The following ITGA9 variants were observed in gnomAD, a reference collection of about 807,000 sequenced individuals.
ITGA9 encodes the protein integrin alpha-9.
Under a neutral mutation model 127.8 loss-of-function variants are expected in ITGA9, and 56 were observed. That is an observed-to-expected ratio of 0.44 (90% CI 0.35 to 0.55). The LOEUF (loss-of-function observed/expected upper bound fraction) is 0.55, where lower values mean the gene tolerates loss of function less well. Ranked by LOEUF, ITGA9 falls within the 20% of genes least tolerant of loss-of-function variation. ITGA9 has a pLI of 0.00. For synonymous variants in ITGA9, 508 were observed against 514.5 expected (o/e 0.99, Z 0.17); for missense variants, 1,196 against 1,347.1 (o/e 0.89, Z 1.76).
intron 18 of ITGA9, among the ~76,000 whole-genome samples, chr3:37,712,041 C>T (rs912208475): frequency 6.6e-6 from 1 of 151,186 alleles, no homozygotes; most frequent in Non-Finnish European, 1.5e-5. Context: ...CGGACAAGTT[C>T]AGTGTTGTAT....
chr3:37,772,587 C>T (rs1428555809), intron 23 of ITGA9, among the ~76,000 whole-genome samples: 3 of 151,940 alleles, frequency 2.0e-5, no homozygotes, highest in Admixed American at 6.6e-5. Context: ...TAGAGGACCG[C>T]CTCCCTCCAC....
chr3:37,631,351 A>G (rs1480370590), intron 16 of ITGA9, among the ~76,000 whole-genome samples: 1 of 152,224 alleles, frequency 6.6e-6, no homozygotes, highest in Admixed American at 6.5e-5. Flanking sequence ...AGTGAAAAGC[A>G]TCTTGGAACC....
chr3:37,484,283 C>T (rs1698587257), intron 4 of ITGA9, among the ~76,000 whole-genome samples: 1 of 151,978 alleles, frequency 6.6e-6, no homozygotes, highest in African/African-American at 2.4e-5. Flanking sequence ...AGTTCTTGGC[C>T]CTGTAAGAGG....
At chr3:37,727,989 A>T (rs928622357) in intron 18 of ITGA9, among the ~76,000 whole-genome samples, 3 of 152,124 alleles carry the variant, frequency 2.0e-5, no homozygotes, top group Non-Finnish European at 4.4e-5. Context: ...TTTCTGCTTC[A>T]CTCTGTATTT....
rs397726826 is a variant in ITGA9 at position 37,490,973 on chromosome 3, C to CA, written c.545-3528_545-3527insA. Among the ~76,000 whole-genome samples, 11 of 133,284 alleles carry CA rather than the reference C, an allele frequency of 8.3e-5. 1 individual carries two copies. The highest frequency in any genetic ancestry group is 3.2e-4 in the African/African-American group (11 of 34,320). The allele number at this position is 133,284 out of a possible 152,430, so 87.4% of individuals were successfully genotyped here. A position where few individuals can be genotyped will look rare whatever the true frequency, so the allele number is the denominator to read the frequency against. On this transcript the variant is annotated intron_variant, in intron 4 of 27. Transcript: ENST00000264741. ...TGGGTCTCAGATTTGGCTTCCCCCC[C>CA]GCTTTTTTTTTTTTTTTTTTTGAGA... is the stretch of plus-strand genomic sequence containing the variant.
At chr3:37,496,996 A>C (rs1314151182) in intron 5 of ITGA9, among the ~76,000 whole-genome samples, 1 of 152,032 alleles carries the variant, frequency 6.6e-6, no homozygotes, top group East Asian at 1.9e-4. Context: ...ATCTTCTCTC[A>C]CTCAGACTTT....
intron 18 of ITGA9, among the ~76,000 whole-genome samples, chr3:37,688,894 G>A (rs1167998340): frequency 6.6e-6 from 1 of 151,932 alleles, no homozygotes; most frequent in Non-Finnish European, 1.5e-5. Context: ...GTGGATGAGT[G>A]GGTGGATAGT....
chr3:37,780,532 GTGTA>G (rs970380440), intron 25 of ITGA9, among the ~76,000 whole-genome samples: 23 of 19,926 alleles, frequency 1.2e-3, no homozygotes, highest in Admixed American at 5.7e-3. Flanking sequence ...GTGTGTGTGT[GTGTA>G]TATATATATA....
At chr3:37,578,574 C>A (rs1252279603) in intron 15 of ITGA9, among the ~76,000 whole-genome samples, 1 of 152,228 alleles carries the variant, frequency 6.6e-6, no homozygotes, top group Non-Finnish European at 1.5e-5. Context: ...TCGGCTTCAA[C>A]AGTCTTGCTT....
At chr3:37,684,601 G>A (rs1481138859) in intron 18 of ITGA9, among the ~76,000 whole-genome samples, 4 of 152,010 alleles carry the variant, frequency 2.6e-5, no homozygotes, top group Non-Finnish European at 5.9e-5. Context: ...TCATCCTCCC[G>A]AGTAGCTGGG....
chr3:37,526,525 C>T (rs1699094932), intron 13 of ITGA9, among the ~76,000 whole-genome samples: 1 of 152,222 alleles, frequency 6.6e-6, no homozygotes, highest in Non-Finnish European at 1.5e-5. Flanking sequence ...ACCCTGGGGA[C>T]CGGGAGCCTC....
At chr3:37,804,970 T>C (rs1285841782) in intron 27 of ITGA9, among the ~76,000 whole-genome samples, 1 of 152,162 alleles carries the variant, frequency 6.6e-6, no homozygotes, top group African/African-American at 2.4e-5. Context: ...TCTCATAACA[T>C]CAACTTATTT....
chr3:37,812,807 C>T (rs182733698), intron 27 of ITGA9, among the ~76,000 whole-genome samples: 3 of 152,374 alleles, frequency 2.0e-5, no homozygotes, highest in Admixed American at 6.5e-5. Context: ...GTGAAGCAAG[C>T]ACTGGAAGGT....
Position 37,488,509 on chromosome 3 carries a change from A to G in ITGA9, c.545-5992A>G, listed in dbSNP as rs115489348. ...ACTCCTTTTTTGGTAATATTAAAAA[A>G]TTATTGGCCAGGCGTGGTGGCTCAT... On this transcript the variant is annotated intron_variant, in intron 4 of 27. Coordinates refer to ENST00000264741, the MANE Select transcript of ITGA9 (RefSeq NM_002207.3). 5.1e-3 allele frequency among the ~76,000 whole-genome samples: 775 copies of G among 152,290 alleles called. 7 individuals are homozygous for G. The highest frequency in any genetic ancestry group is 0.017 in the African/African-American group (713 of 41,554).
chr3:37,481,396 A>T, intron 3 of ITGA9, 88 bp from the exon 4 acceptor site: 1 of 1,559,440 alleles, frequency 6.4e-7, no homozygotes. Context: ...CTTCTCCCAC[A>T]GAAAGAAACA....
At chr3:37,796,071 C>T (rs1697169770) in intron 26 of ITGA9, among the ~76,000 whole-genome samples, 1 of 152,178 alleles carries the variant, frequency 6.6e-6, no homozygotes, top group South Asian at 2.1e-4. Flanking sequence ...TCTTGTTCAT[C>T]CTGTTGGCTC....
chr3:37,668,513 C>T (rs1700606582), intron 17 of ITGA9, among the ~76,000 whole-genome samples: 1 of 152,162 alleles, frequency 6.6e-6, no homozygotes, highest in African/African-American at 2.4e-5. Context: ...CAACTTGGAG[C>T]AGACAGGGAG....
At chr3:37,733,715 C>T (rs1309767662) in intron 19 of ITGA9, among the ~76,000 whole-genome samples, 1 of 151,968 alleles carries the variant, frequency 6.6e-6, no homozygotes, top group African/African-American at 2.4e-5. Context: ...CCATAAGCCC[C>T]ATTGAATGCA....
At chr3:37,550,471 G>A (rs1191057705) in intron 15 of ITGA9, among the ~76,000 whole-genome samples, 1 of 152,128 alleles carries the variant, frequency 6.6e-6, no homozygotes, top group Non-Finnish European at 1.5e-5. Context: ...TTGGAAAGAG[G>A]GGACATGACT....
Sources: allele counts gnomAD v4.1 joint callset (sites outside exome capture counted in the v4.1 genomes callset), GRCh38; gene constraint gnomAD v4.1.1; transcripts MANE v1.5; gene names NCBI Gene and HGNC (gene_info 2026-07-23, HGNC 2026-07-21).